Variants in KCND2 observed in about 807,000 individuals in gnomAD.
KCND2 encodes A-type voltage-gated potassium channel KCND2.
A neutral mutation model predicts 54.4 loss-of-function variants in KCND2; 16 were observed. The ratio of observed to expected loss-of-function variants is 0.29; its 90% CI spans 0.20 to 0.45. The LOEUF (loss-of-function observed/expected upper bound fraction) is 0.45, where lower values mean the gene tolerates loss of function less well. Among genes scored for constraint, KCND2 ranks in the 20% least tolerant of loss-of-function variants. KCND2 has a pLI of 1.00. For synonymous variants in KCND2, 317 were observed against 310.7 expected (o/e 1.02, Z -0.21); for missense variants, 486 against 824.2 (o/e 0.59, Z 5.02).
At chr7:120,580,928 A>C (rs1247811985) in intron 1 of KCND2, among the ~76,000 whole-genome samples, 3 of 152,226 alleles carry the variant, frequency 2.0e-5, no homozygotes, top group Non-Finnish European at 4.4e-5. Context: ...ATGGATTCTT[A>C]AATTCAGTAG....
chr7:120,591,040 T>C (rs1193634248), intron 1 of KCND2, among the ~76,000 whole-genome samples: 1 of 152,206 alleles, frequency 6.6e-6, no homozygotes, highest in Non-Finnish European at 1.5e-5. Flanking sequence ...TTTTTCCTAC[T>C]ATGATAATGC....
At chr7:120,433,899 T>C (rs1801829737) in intron 1 of KCND2, among the ~76,000 whole-genome samples, 1 of 152,224 alleles carries the variant, frequency 6.6e-6, no homozygotes, top group African/African-American at 2.4e-5. Flanking sequence ...TTTTAACTTA[T>C]TGTACATAGC....
intron 1 of KCND2, among the ~76,000 whole-genome samples, chr7:120,326,104 TATC>T (rs1188730560): frequency 1.3e-5 from 2 of 152,110 alleles, no homozygotes; most frequent in African/African-American, 4.8e-5. Context: ...ATTATTAAAA[TATC>T]ATTGTATAGA....
chr7:120,481,981 A>T (rs1005955799), intron 1 of KCND2, among the ~76,000 whole-genome samples: 2 of 152,164 alleles, frequency 1.3e-5, no homozygotes, highest in Non-Finnish European at 2.9e-5. Flanking sequence ...TGGCAAGAAC[A>T]CAGAGCTATG....
chr7:120,435,270 CTTTT>C (rs533084445), intron 1 of KCND2, among the ~76,000 whole-genome samples: 1 of 132,882 alleles, frequency 7.5e-6, no homozygotes, highest in African/African-American at 2.8e-5. Context: ...CCATGCCTGG[CTTTT>C]TTTTTTTTTT....
chr7:120,549,780 G>T (rs1397012026), intron 1 of KCND2, among the ~76,000 whole-genome samples: 1 of 152,078 alleles, frequency 6.6e-6, no homozygotes, highest in East Asian at 1.9e-4. Flanking sequence ...GCATTAATGG[G>T]AGTTGCCTGA....
intron 1 of KCND2, among the ~76,000 whole-genome samples, chr7:120,377,630 C>G (rs1049689934): frequency 3.3e-5 from 5 of 151,778 alleles, no homozygotes; most frequent in African/African-American, 1.2e-4. Flanking sequence ...AATTCATATT[C>G]AAGCCTGACA....
intron 1 of KCND2, among the ~76,000 whole-genome samples, chr7:120,581,961 G>A (rs895203677): frequency 6.6e-6 from 1 of 151,944 alleles, no homozygotes; most frequent in East Asian, 1.9e-4. Flanking sequence ...TCATCCACCC[G>A]CCTCAGCCTC....
At chr7:120,649,122 A>C (rs1257438954) in intron 1 of KCND2, among the ~76,000 whole-genome samples, 1 of 152,158 alleles carries the variant, frequency 6.6e-6, no homozygotes, top group Non-Finnish European at 1.5e-5. Context: ...AGAATTATTG[A>C]GATAACTAAT....
In KCND2 at chr7:120,748,806, A is replaced by G. The variant is rs1474139002; in HGVS notation, c.*948A>G. 6.6e-6 allele frequency: 1 copy of G among 151,938 alleles called. No homozygotes were observed. The highest frequency in any genetic ancestry group is 2.4e-5 in the African/African-American group (1 of 41,432). The allele number at this position is 151,938 out of a possible 1,614,324, so 9.4% of individuals were successfully genotyped here. On this transcript the variant is annotated 3_prime_UTR_variant, in exon 6 of 6. Transcript: ENST00000331113. ...CCACTGTATTCCTGTGACACAGTGC[A>G]TTATCTGTTCTTGTATTTCTATAGC...
At chr7:120,508,119 T>C (rs1014217989) in intron 1 of KCND2, among the ~76,000 whole-genome samples, 6 of 152,038 alleles carry the variant, frequency 3.9e-5, no homozygotes, top group African/African-American at 1.4e-4. Context: ...TAGTGTATTA[T>C]TGTGAAACAA....
At chr7:120,730,742 A>G (rs183022032) in intron 1 of KCND2, among the ~76,000 whole-genome samples, 181 of 151,848 alleles carry the variant, frequency 1.2e-3, no homozygotes, top group African/African-American at 4.3e-3. Context: ...GAATAGGGTC[A>G]CTAAATGTGG....
At chr7:120,673,610 C>G (rs978192124) in intron 1 of KCND2, among the ~76,000 whole-genome samples, 3 of 152,146 alleles carry the variant, frequency 2.0e-5, no homozygotes, top group East Asian at 3.8e-4. Flanking sequence ...TTGCTGGTTT[C>G]CCATCTTACT....
intron 1 of KCND2, among the ~76,000 whole-genome samples, chr7:120,533,526 G>A (rs1791867292): frequency 6.6e-6 from 1 of 152,090 alleles, no homozygotes; most frequent in South Asian, 2.1e-4. Flanking sequence ...CTGGCTCAGA[G>A]CTCTACATGC....
intron 1 of KCND2, among the ~76,000 whole-genome samples, chr7:120,561,059 A>G (rs568687174): frequency 1.3e-5 from 2 of 152,344 alleles, no homozygotes; most frequent in East Asian, 1.9e-4. Flanking sequence ...TTGTGATCAA[A>G]CGATCAATCT....
At chr7:120,671,143 T>C (rs1270451272) in intron 1 of KCND2, among the ~76,000 whole-genome samples, 2 of 152,080 alleles carry the variant, frequency 1.3e-5, no homozygotes, top group African/African-American at 4.8e-5. Context: ...TTACCAAGTG[T>C]GCTAGCCATA....
chr7:120,658,074 G>T (rs776199620), intron 1 of KCND2, among the ~76,000 whole-genome samples: 4 of 152,130 alleles, frequency 2.6e-5, no homozygotes, highest in Non-Finnish European at 5.9e-5. Flanking sequence ...AGTTAACCTA[G>T]TAATTAATCC....
intron 1 of KCND2, among the ~76,000 whole-genome samples, chr7:120,454,686 C>G (rs1325426606): frequency 6.6e-6 from 1 of 152,020 alleles, no homozygotes; most frequent in Non-Finnish European, 1.5e-5. Context: ...AGGGACTCCT[C>G]CCTAACTCAT....
At chr7:120,465,849 A>G (rs1802360621) in intron 1 of KCND2, among the ~76,000 whole-genome samples, 1 of 152,230 alleles carries the variant, frequency 6.6e-6, no homozygotes, top group African/African-American at 2.4e-5. Context: ...TCAACTTGCT[A>G]TAGTAAAAGA....
Sources: gnomAD v4.1 joint callset for allele counts (sites outside exome capture counted in the v4.1 genomes callset) on GRCh38, gnomAD v4.1.1 for gene constraint, MANE v1.5 for transcripts, NCBI Gene and HGNC (gene_info 2026-07-23, HGNC 2026-07-21) for gene names.